The following PCDH11X variants were observed in gnomAD, a reference collection of about 807,000 sequenced individuals.
PCDH11X encodes the protein protocadherin 11 X-linked.
In PCDH11X, 18 loss-of-function variants were observed where a neutral mutation model predicts 53.3. That is an observed-to-expected ratio of 0.34 (90% CI 0.23 to 0.50). The LOEUF is 0.50. Among genes scored for constraint, PCDH11X ranks in the 20% least tolerant of loss-of-function variants. The pLI, the probability that PCDH11X is intolerant of heterozygous loss-of-function variation, is 0.98. For missense variants in PCDH11X, 570 were observed against 1,032.4 expected (o/e 0.55, Z 6.14); for synonymous variants, 279 against 393.3 (o/e 0.71, Z 3.44).
In PCDH11X at chrX:92,484,149, ATG is replaced by A. The variant is rs1569494486; in HGVS notation, c.3367+15829_3367+15830del. 5.8e-4 allele frequency among the ~76,000 whole-genome samples: 21 copies of A among 36,326 alleles called. No homozygotes were observed. The South Asian group carries it at 0.024, about 41-fold the overall frequency. The allele number at this position is 36,326 out of a possible 115,157, so 31.5% of individuals were successfully genotyped here. ...TATATGTATATATGTATGTATATATATGTATATATGTATATATGTATATATAT... is the reference window on the plus strand; with the variant it reads ...TATATGTATATATGTATGTATATATATATATATGTATATATGTATATATAT... On this transcript the variant is annotated intron_variant, in intron 10 of 10. Coordinates refer to ENST00000682573, the MANE Select transcript of PCDH11X (RefSeq NM_032968.5).
intron 8 of PCDH11X, among the ~76,000 whole-genome samples, chrX:92,318,496 C>G (rs1024034520): frequency 9.0e-6 from 1 of 110,693 alleles, no homozygotes; most frequent in Non-Finnish European, 1.9e-5. Flanking sequence ...AATACAGATA[C>G]TGGGTAGTTG....
chrX:91,887,498 C>CT (rs969049934), intron 6 of PCDH11X, among the ~76,000 whole-genome samples: 2 of 111,818 alleles, frequency 1.8e-5, no homozygotes, highest in African/African-American at 3.2e-5. Flanking sequence ...TAGGAGTAGA[C>CT]TTTTAAAATT....
chrX:92,161,421 T>C (rs1483802056), intron 6 of PCDH11X, among the ~76,000 whole-genome samples: 1 of 111,341 alleles, frequency 9.0e-6, no homozygotes, highest in Non-Finnish European at 1.9e-5. Flanking sequence ...TTAGGTTACC[T>C]GGTGTTTTTT....
chrX:92,182,305 C>A (rs904624787), intron 6 of PCDH11X, among the ~76,000 whole-genome samples: 1 of 111,862 alleles, frequency 8.9e-6, no homozygotes, highest in Non-Finnish European at 1.9e-5. Context: ...ATTGCCTATA[C>A]CCCCATTGTA....
chrX:92,112,293 G>C (rs1305449614), intron 6 of PCDH11X, among the ~76,000 whole-genome samples: 2 of 105,115 alleles, frequency 1.9e-5, no homozygotes, highest in Non-Finnish European at 3.9e-5. Flanking sequence ...TTTGAGAGAG[G>C]CTTGGCAAAC....
intron 10 of PCDH11X, among the ~76,000 whole-genome samples, chrX:92,484,852 A>T (rs1211061290): frequency 9.0e-6 from 1 of 111,013 alleles, no homozygotes; most frequent in Admixed American, 9.7e-5. Flanking sequence ...ATGTAAAAAA[A>T]ATTTTTTTAA....
intron 8 of PCDH11X, among the ~76,000 whole-genome samples, chrX:92,331,266 C>T (rs2069459511): frequency 2.3e-5 from 1 of 43,678 alleles, no homozygotes. Flanking sequence ...CTTTCCACCT[C>T]CTCCTCCTCC....
chrX:91,803,058 C>CCT (rs1258355806), intron 1 of PCDH11X, among the ~76,000 whole-genome samples: 1 of 111,574 alleles, frequency 9.0e-6, no homozygotes, highest in Non-Finnish European at 1.9e-5. Flanking sequence ...TCTATTAATG[C>CCT]CTCAGTACAA....
At chrX:92,227,879 T>TAG (rs1376148667) in intron 7 of PCDH11X, among the ~76,000 whole-genome samples, 1 of 111,233 alleles carries the variant, frequency 9.0e-6, no homozygotes, top group East Asian at 2.8e-4. Context: ...AAATGCAAAA[T>TAG]AGTTGTATAT....
At chrX:92,410,266 C>T (rs1481267711) in intron 9 of PCDH11X, among the ~76,000 whole-genome samples, 4 of 108,888 alleles carry the variant, frequency 3.7e-5, no homozygotes, top group Non-Finnish European at 7.6e-5. Flanking sequence ...TTTCTCTTCT[C>T]CTCCTATTGC....
chrX:92,319,363 G>A (rs2755364), intron 8 of PCDH11X, among the ~76,000 whole-genome samples: 13 of 111,921 alleles, frequency 1.2e-4, no homozygotes, highest in African/African-American at 1.6e-4. Flanking sequence ...AACAAAGATC[G>A]ATACAGGAAT....
chrX:92,266,060 T>C (rs2148419715), intron 8 of PCDH11X, among the ~76,000 whole-genome samples: 1 of 111,650 alleles, frequency 9.0e-6, no homozygotes, highest in African/African-American at 3.2e-5. Context: ...AGATTAGGTC[T>C]GTGCTCTGGT....
At chrX:92,259,714 C>T (rs978268280) in intron 7 of PCDH11X, among the ~76,000 whole-genome samples, 1 of 111,181 alleles carries the variant, frequency 9.0e-6, no homozygotes, top group African/African-American at 3.3e-5. Context: ...TCACTAGAAG[C>T]CAGCAAGTGT....
intron 7 of PCDH11X, among the ~76,000 whole-genome samples, chrX:92,250,996 G>A (rs1044468660): frequency 1.8e-5 from 2 of 110,390 alleles, no homozygotes; most frequent in African/African-American, 3.3e-5. Context: ...TGAATTGTAC[G>A]GTATGTAAAT....
rs1015605378 is a variant in PCDH11X, at chrX:92,090,270, T to C, written c.3034-111105T>C. 1.4e-4 allele frequency among the ~76,000 whole-genome samples: 16 copies of C among 111,680 alleles called. No individual in the cohort carries two copies. The Admixed American group carries it at 1.4e-3, about 10-fold the overall frequency. On this transcript the variant is annotated intron_variant, in intron 6 of 10. Transcript: ENST00000682573. ...TATCAGATACAGTGCCACCTTTTTA[T>C]TGAGGGCATGATAGGCTAATGATAA...
At chrX:92,057,821 A>T (rs2148057682) in intron 6 of PCDH11X, among the ~76,000 whole-genome samples, 1 of 104,728 alleles carries the variant, frequency 9.5e-6, no homozygotes, top group African/African-American at 3.6e-5. Context: ...TCTTTAGATA[A>T]TAGACATTTT....
At chrX:92,283,932 A>T (rs775254589) in intron 8 of PCDH11X, among the ~76,000 whole-genome samples, 1 of 111,578 alleles carries the variant, frequency 9.0e-6, no homozygotes, top group South Asian at 3.7e-4. Context: ...TGGACTTACA[A>T]GTTCTCATTT....
chrX:92,094,508 G>A (rs1196415356), intron 6 of PCDH11X, among the ~76,000 whole-genome samples: 2 of 111,007 alleles, frequency 1.8e-5, no homozygotes, highest in Non-Finnish European at 3.8e-5. Flanking sequence ...TATATATGAG[G>A]ACAAGCCCAC....
intron 7 of PCDH11X, among the ~76,000 whole-genome samples, chrX:92,250,612 AAAT>A (rs2067440452): frequency 1.3e-5 from 1 of 74,924 alleles, no homozygotes; most frequent in Admixed American, 1.3e-4. Flanking sequence ...TATATATATA[AAAT>A]AATATGTATA....
Sources: allele counts gnomAD v4.1 joint callset (sites outside exome capture counted in the v4.1 genomes callset), GRCh38; gene constraint gnomAD v4.1.1; transcripts MANE v1.5; gene names NCBI Gene and HGNC (gene_info 2026-07-23, HGNC 2026-07-21).